GPC6: variants seen among roughly 807,000 people sequenced by gnomAD.
GPC6 encodes the protein glypican 6, also known as glypican-6.
GPC6 carries 14 observed loss-of-function variants against 55.2 expected under a neutral mutation model. That is an observed-to-expected ratio of 0.25 (90% CI 0.17 to 0.40). The LOEUF is 0.40. Ranked by LOEUF, GPC6 falls within the 10% of genes least tolerant of loss-of-function variation. The pLI is 1.00. For synonymous variants in GPC6, 278 were observed against 259.6 expected, an observed-to-expected ratio of 1.07 and a Z score of -0.68; for missense variants, 641 against 708.5, an observed-to-expected ratio of 0.90 and a Z score of 1.08.
chr13:93,718,835 T>C (rs1883344156), intron 2 of GPC6, among the ~76,000 whole-genome samples: 1 of 152,130 alleles, frequency 6.6e-6, no homozygotes. Flanking sequence ...ATTTATTAAA[T>C]AGGGAATCCT....
intron 3 of GPC6, among the ~76,000 whole-genome samples, chr13:93,898,785 T>C (rs907300353): frequency 1.3e-5 from 2 of 151,710 alleles, no homozygotes; most frequent in African/African-American, 4.8e-5. Context: ...GCAGGACAGA[T>C]GTCACAGAGC....
chr13:94,015,874 C>T (rs1377149573), intron 3 of GPC6, among the ~76,000 whole-genome samples: 2 of 152,148 alleles, frequency 1.3e-5, no homozygotes, highest in African/African-American at 2.4e-5. Flanking sequence ...GTTCTTACAC[C>T]AGTACCACTG....
chr13:93,752,450 A>G (rs1884629621), intron 2 of GPC6, among the ~76,000 whole-genome samples: 3 of 152,194 alleles, frequency 2.0e-5, no homozygotes, highest in African/African-American at 4.8e-5. Flanking sequence ...ATTAAAAAAA[A>G]AAAAGAAAAA....
intron 4 of GPC6, among the ~76,000 whole-genome samples, chr13:94,153,134 A>G (rs1887804673): frequency 6.6e-6 from 1 of 152,082 alleles, no homozygotes; most frequent in Non-Finnish European, 1.5e-5. Flanking sequence ...AATATTAGGG[A>G]GGCACAGGAG....
intron 2 of GPC6, among the ~76,000 whole-genome samples, chr13:93,718,552 G>A (rs1883333826): frequency 6.6e-6 from 1 of 152,004 alleles, no homozygotes; most frequent in African/African-American, 2.4e-5. Flanking sequence ...CCATTCTGTA[G>A]GTTGTCTGTT....
chr13:93,566,542 T>G lies in GPC6; in HGVS notation c.319+21121T>G, dbSNP rs201264085. ...AAGTTGGAGAAAGTTTTTTTTTTTT[T>G]GCTTGTTTTTTTTTATGACTTTTTT... On this transcript the variant is annotated intron_variant, in intron 2 of 8. Transcript: ENST00000377047. Among the ~76,000 whole-genome samples the G allele has an allele frequency of 1.1e-4, 10 of 91,598 alleles. No homozygotes were observed. The East Asian group carries it at 2.3e-3, about 21-fold the overall frequency. The allele number at this position is 91,598 out of a possible 152,430, so 60.1% of individuals were successfully genotyped here.
chr13:93,921,739 A>C (rs1201735617), intron 3 of GPC6, among the ~76,000 whole-genome samples: 2 of 151,542 alleles, frequency 1.3e-5, no homozygotes, highest in Non-Finnish European at 2.9e-5. Flanking sequence ...AAAAGGCAGC[A>C]TTTGGGTGTG....
At chr13:93,354,349 A>ATTTTTTTTTTTTT (rs11454186) in intron 1 of GPC6, among the ~76,000 whole-genome samples, 2 of 115,792 alleles carry the variant, frequency 1.7e-5, no homozygotes, top group African/African-American at 7.0e-5. Flanking sequence ...CCGTTGGTAG[A>ATTTTTTTTTTTTT]TTTTTTTTTT....
chr13:94,237,670 A>G (rs1322480635), intron 4 of GPC6, among the ~76,000 whole-genome samples: 1 of 152,094 alleles, frequency 6.6e-6, no homozygotes, highest in African/African-American at 2.4e-5. Context: ...TGTCTCCATA[A>G]CAGAACGAAG....
At chr13:93,558,783 G>A (rs1374200578) in intron 2 of GPC6, among the ~76,000 whole-genome samples, 1 of 152,196 alleles carries the variant, frequency 6.6e-6, no homozygotes, top group African/African-American at 2.4e-5. Context: ...GGTTTACACT[G>A]TGGGGTTTGT....
chr13:94,247,545 A>ATTAT (rs776772557), intron 4 of GPC6, among the ~76,000 whole-genome samples: 1 of 145,210 alleles, frequency 6.9e-6, no homozygotes, highest in Non-Finnish European at 1.5e-5. Flanking sequence ...ACTGTCAAGA[A>ATTAT]TTATTATCAA....
intron 3 of GPC6, among the ~76,000 whole-genome samples, chr13:93,918,723 A>G (rs1392543236): frequency 1.3e-5 from 2 of 152,204 alleles, no homozygotes; most frequent in African/African-American, 4.8e-5. Flanking sequence ...CCCTGCGAAC[A>G]TCTGGAGAAT....
chr13:93,591,887 T>C (rs1360003500), intron 2 of GPC6, among the ~76,000 whole-genome samples: 1 of 152,212 alleles, frequency 6.6e-6, no homozygotes, highest in East Asian at 1.9e-4. Context: ...AGATAAAGAA[T>C]TGAGGACTAA....
chr13:93,901,706 G>A (rs1876362543), intron 3 of GPC6, among the ~76,000 whole-genome samples: 1 of 151,898 alleles, frequency 6.6e-6, no homozygotes. Flanking sequence ...TTTGAGACCA[G>A]CCTGACCAAC....
chr13:93,458,728 A>G (rs1878566379), intron 1 of GPC6, among the ~76,000 whole-genome samples: 3 of 152,172 alleles, frequency 2.0e-5, no homozygotes, highest in Non-Finnish European at 4.4e-5. Flanking sequence ...CATGGTATGT[A>G]TATTTCTCCT....
intron 1 of GPC6, among the ~76,000 whole-genome samples, chr13:93,492,784 T>C (rs1011846501): frequency 4.4e-4 from 67 of 150,964 alleles, no homozygotes; most frequent in African/African-American, 1.6e-3. Flanking sequence ...GATAATCATG[T>C]GGTTTTTGTC....
intron 3 of GPC6, among the ~76,000 whole-genome samples, chr13:93,939,335 C>T (rs920810103): frequency 6.6e-6 from 1 of 150,626 alleles, no homozygotes; most frequent in Non-Finnish European, 1.5e-5. Context: ...TAAAACTAGA[C>T]GTAAACCTAG....
chr13:93,897,734 C>T (rs145024220), intron 3 of GPC6, among the ~76,000 whole-genome samples: 1 of 152,198 alleles, frequency 6.6e-6, no homozygotes, highest in Non-Finnish European at 1.5e-5. Flanking sequence ...CTGTCCCCCC[C>T]ATCTGTTAAA....
rs117794592 is a variant in GPC6 at position 93,811,475 on chromosome 13, A to G, written c.320-18679A>G. On this transcript the variant is annotated intron_variant, in intron 2 of 8. Coordinates refer to ENST00000377047, the MANE Select transcript of GPC6 (RefSeq NM_005708.5). ...CAGAAAATGGCTTGGGTAGTATCAT[A>G]ATCAGGTAGCTATTGAACTGGTTAA... is the stretch of plus-strand genomic sequence containing the variant. Among the ~76,000 whole-genome samples, 131 of 152,344 alleles carry G rather than the reference A, an allele frequency of 8.6e-4. No homozygotes were observed. In the East Asian group the frequency reaches 0.023, roughly 27 times the overall value.
Sources: allele counts gnomAD v4.1 joint callset (sites outside exome capture counted in the v4.1 genomes callset), GRCh38; gene constraint gnomAD v4.1.1; transcripts MANE v1.5; gene names NCBI Gene and HGNC (gene_info 2026-07-23, HGNC 2026-07-21).